Variants in USH2A observed in about 807,000 individuals in gnomAD.
USH2A encodes Usher syndrome 2A (autosomal recessive, mild).
A neutral mutation model predicts 538.9 loss-of-function variants in USH2A; 443 were observed. The ratio of observed to expected loss-of-function variants is 0.82; its 90% CI spans 0.76 to 0.89. The LOEUF (loss-of-function observed/expected upper bound fraction) is 0.89, where lower values mean the gene tolerates loss of function less well. Among genes scored for constraint, USH2A ranks in the 40% least tolerant of loss-of-function variants. The pLI is 0.00. For synonymous variants in USH2A, 2,413 were observed against 2,273.5 expected (o/e 1.06, Z -1.75); for missense variants, 6,633 against 6,324.8 (o/e 1.05, Z -1.65).
intron 16 of USH2A, among the ~76,000 whole-genome samples, chr1:216,201,309 CTTTTTT>C (rs527521817): frequency 7.5e-6 from 1 of 133,678 alleles, no homozygotes; most frequent in African/African-American, 2.8e-5. Context: ...AGTCTTTTTT[CTTTTTT>C]TTTTTTTTTT....
rs954707465 is a variant in USH2A at position 215,759,982 on chromosome 1, A to G, written c.11048-139T>C. On this transcript the variant is annotated intron_variant, in intron 56 of 71. Transcript: ENST00000307340. ...ATCTAACTGTATGGAACAAAAATACATAATTGGTGTAAATATATTTTTATT... is the reference window on the plus strand; with the variant it reads ...ATCTAACTGTATGGAACAAAAATACGTAATTGGTGTAAATATATTTTTATT... 166 of 892,564 alleles carry G rather than the reference A, an allele frequency of 1.9e-4. No homozygotes were observed. In the East Asian group the frequency reaches 4.3e-3, roughly 23 times the overall value. 55.3% of individuals were successfully genotyped at this position (892,564 alleles called of 1,614,324 possible). A position where few individuals can be genotyped will look rare whatever the true frequency, so the allele number is the denominator to read the frequency against.
intron 40 of USH2A, among the ~76,000 whole-genome samples, chr1:215,896,859 G>C (rs755997452): frequency 6.6e-6 from 1 of 152,088 alleles, no homozygotes; most frequent in Non-Finnish European, 1.5e-5. Context: ...ATAATGTGTT[G>C]TTTGTATTTA....
intron 4 of USH2A, among the ~76,000 whole-genome samples, chr1:216,349,427 G>T (rs1172647241): frequency 1.3e-5 from 2 of 152,042 alleles, no homozygotes. Flanking sequence ...TTCTCAAGAG[G>T]GTAAGTCATC....
intron 58 of USH2A, among the ~76,000 whole-genome samples, chr1:215,747,601 T>G (rs1571645770): frequency 6.6e-6 from 1 of 152,294 alleles, no homozygotes; most frequent in African/African-American, 2.4e-5. Context: ...TATAATCAGG[T>G]TTCTTCTTCC....
At chr1:215,926,031 C>A (rs984921292) in intron 38 of USH2A, among the ~76,000 whole-genome samples, 3 of 152,022 alleles carry the variant, frequency 2.0e-5, no homozygotes, top group Admixed American at 1.3e-4. Context: ...AAAACAAGAA[C>A]AAAAACAAAC....
chr1:216,171,728 A>G (rs1339511632), intron 21 of USH2A, among the ~76,000 whole-genome samples: 1 of 152,088 alleles, frequency 6.6e-6, no homozygotes, highest in East Asian at 1.9e-4. Flanking sequence ...TGTCAGTGGA[A>G]TTATGTTAAT....
intron 9 of USH2A, among the ~76,000 whole-genome samples, chr1:216,301,636 A>C (rs1343729205): frequency 6.6e-6 from 1 of 152,208 alleles, no homozygotes; most frequent in African/African-American, 2.4e-5. Flanking sequence ...TGGCTATAAA[A>C]TTTAGAGATA....
chr1:216,109,962 TTTCTTAAAGATATACC>T (rs1315735325), intron 21 of USH2A, among the ~76,000 whole-genome samples: 3 of 152,312 alleles, frequency 2.0e-5, no homozygotes, highest in South Asian at 4.1e-4. Flanking sequence ...ATTCTGAATC[TTTCTTAAAGATATACC>T]TGTATTTTCC....
intron 4 of USH2A, among the ~76,000 whole-genome samples, chr1:216,329,544 G>GT (rs1219009849): frequency 6.6e-6 from 1 of 152,032 alleles, no homozygotes; most frequent in Non-Finnish European, 1.5e-5. Context: ...CCTGTGTCCC[G>GT]TTTTTTCTTT....
chr1:215,774,398 C>G (rs1199629386), intron 55 of USH2A, among the ~76,000 whole-genome samples: 1 of 151,136 alleles, frequency 6.6e-6, no homozygotes, highest in Non-Finnish European at 1.5e-5. Context: ...TAGACACCAC[C>G]AAGGAAAGAC....
intron 41 of USH2A, among the ~76,000 whole-genome samples, chr1:215,881,804 C>T (rs933776640): frequency 2.3e-4 from 34 of 151,006 alleles, no homozygotes; most frequent in African/African-American, 7.6e-4. Context: ...TTGAGTGGTT[C>T]TTAATGATTC....
intron 60 of USH2A, among the ~76,000 whole-genome samples, chr1:215,735,588 A>T (rs1258988204): frequency 6.6e-6 from 1 of 152,212 alleles, no homozygotes; most frequent in Non-Finnish European, 1.5e-5. Flanking sequence ...TAATAAGAAA[A>T]CACAGATGAA....
intron 66 of USH2A, 72 bp from the exon 67 acceptor site, chr1:215,647,802 T>C: frequency 6.4e-7 from 1 of 1,552,414 alleles, no homozygotes; most frequent in South Asian, 1.1e-5. Context: ...TTAAAACCAG[T>C]TCTATTTTGT....
intron 61 of USH2A, among the ~76,000 whole-genome samples, chr1:215,698,918 T>C (rs1193235092): frequency 6.6e-6 from 1 of 152,232 alleles, no homozygotes; most frequent in Middle Eastern, 3.2e-3. Context: ...TCCTGAATGG[T>C]ATTGCCTAGG....
intron 38 of USH2A, among the ~76,000 whole-genome samples, chr1:215,916,118 C>T (rs1437169611): frequency 6.6e-6 from 1 of 151,602 alleles, no homozygotes; most frequent in Non-Finnish European, 1.5e-5. Flanking sequence ...AGCACACCAG[C>T]ATGGCACATG....
intron 21 of USH2A, among the ~76,000 whole-genome samples, chr1:216,110,801 A>T (rs440416): frequency 0.97 from 147,038 of 152,318 alleles, 71,021 homozygotes; most frequent in East Asian, 1. Flanking sequence ...GTGTGCACAA[A>T]GAAGTGAAGG....
At chr1:215,654,537 A>G (rs1253231059) in intron 64 of USH2A, among the ~76,000 whole-genome samples, 2 of 152,238 alleles carry the variant, frequency 1.3e-5, no homozygotes, top group Non-Finnish European at 2.9e-5. Flanking sequence ...TTATGATTGT[A>G]GAGTCAGAAA....
At chr1:216,369,375 CT>C (rs1369588417) in intron 3 of USH2A, among the ~76,000 whole-genome samples, 1 of 152,040 alleles carries the variant, frequency 6.6e-6, no homozygotes, top group East Asian at 1.9e-4. Flanking sequence ...GAGATTTTTC[CT>C]CACTCATCTC....
chr1:215,743,554 C>T (rs902429808), intron 58 of USH2A, among the ~76,000 whole-genome samples: 2 of 150,922 alleles, frequency 1.3e-5, no homozygotes, highest in South Asian at 2.1e-4. Context: ...TGAGGCCGGG[C>T]GTGGTGGCTC....
Sources: allele counts gnomAD v4.1 joint callset (sites outside exome capture counted in the v4.1 genomes callset), GRCh38; gene constraint gnomAD v4.1.1; transcripts MANE v1.5; gene names NCBI Gene and HGNC (gene_info 2026-07-23, HGNC 2026-07-21).